The following TASP1 variants were observed in gnomAD, a reference collection of about 807,000 sequenced individuals.
TASP1 encodes the protein taspase 1, also known as threonine aspartase 1.
Under a neutral mutation model 56.6 loss-of-function variants are expected in TASP1, and 16 were observed. That is an observed-to-expected ratio of 0.28 (90% CI 0.19 to 0.43). The LOEUF (loss-of-function observed/expected upper bound fraction) is 0.43. TASP1 is among the 20% of genes least tolerant of loss of function. The pLI is 1.00. For missense variants in TASP1, 393 were observed against 511.6 expected, an observed-to-expected ratio of 0.77 and a Z score of 2.24; for synonymous variants, 179 against 184.2, an observed-to-expected ratio of 0.97 and a Z score of 0.23.
the TASP1 span, among the ~76,000 whole-genome samples, chr20:13,215,172 C>A: frequency 2.0e-5 from 3 of 152,208 alleles, no homozygotes; most frequent in East Asian, 5.8e-4. Flanking sequence ...AACCTGGGCT[C>A]TTGTCCTGAT....
intron 4 of TASP1, among the ~76,000 whole-genome samples, chr20:13,593,285 T>C (rs552961983): frequency 6.6e-6 from 1 of 152,310 alleles, no homozygotes; most frequent in African/African-American, 2.4e-5. Context: ...GCTCCCAACA[T>C]GACCAATGCA....
At chr20:13,316,133 A>T in the TASP1 span, among the ~76,000 whole-genome samples, 2 of 152,078 alleles carry the variant, frequency 1.3e-5, no homozygotes, top group South Asian at 4.1e-4. Context: ...TATCATGGAC[A>T]TTAAAAGGAT....
chr20:13,597,415 G>T (rs1198166537), intron 4 of TASP1, among the ~76,000 whole-genome samples: 3 of 152,112 alleles, frequency 2.0e-5, no homozygotes, highest in Non-Finnish European at 4.4e-5. Flanking sequence ...CACATAAATA[G>T]AACCAACAAC....
At chr20:13,174,699 GA>G in the TASP1 span, among the ~76,000 whole-genome samples, 37,800 of 129,006 alleles carry the variant, frequency 0.29, 4,955 homozygotes, top group South Asian at 0.48. Context: ...ACCTTGTCAC[GA>G]AAAAAAAAAA....
the TASP1 span, among the ~76,000 whole-genome samples, chr20:13,342,281 T>C: frequency 6.6e-6 from 1 of 151,988 alleles, no homozygotes; most frequent in African/African-American, 2.4e-5. Context: ...CCTGGGTGGG[T>C]TGTTTGTTTT....
intron 13 of TASP1, among the ~76,000 whole-genome samples, chr20:13,413,879 A>T (rs531518240): frequency 6.6e-6 from 1 of 152,232 alleles, no homozygotes; most frequent in South Asian, 2.1e-4. Flanking sequence ...TATTTTTCTG[A>T]CCCACTGAGA....
intron 10 of TASP1, among the ~76,000 whole-genome samples, chr20:13,490,276 T>C (rs971047506): frequency 1.2e-4 from 19 of 152,288 alleles, no homozygotes; most frequent in African/African-American, 4.6e-4. Context: ...ATACTTCATA[T>C]TGTCTGAAAA....
chr20:13,301,696 AT>A, the TASP1 span, among the ~76,000 whole-genome samples: 2 of 151,866 alleles, frequency 1.3e-5, no homozygotes, highest in Admixed American at 6.6e-5. Flanking sequence ...TAATGAGGAA[AT>A]TTTTTTTGCA....
the TASP1 span, among the ~76,000 whole-genome samples, chr20:13,145,117 G>A: frequency 2.0e-5 from 3 of 152,086 alleles, no homozygotes; most frequent in African/African-American, 7.2e-5. Flanking sequence ...AAACCCTGAT[G>A]TGTTTCTCTG....
At chr20:13,461,862 C>G (rs554079040) in intron 11 of TASP1, among the ~76,000 whole-genome samples, 11 of 152,176 alleles carry the variant, frequency 7.2e-5, no homozygotes, top group Non-Finnish European at 1.6e-4. Context: ...CAAGGATCAT[C>G]TAGTCCAACC....
At chr20:13,281,588 C>G in the TASP1 span, among the ~76,000 whole-genome samples, 3 of 152,218 alleles carry the variant, frequency 2.0e-5, no homozygotes, top group Non-Finnish European at 4.4e-5. Flanking sequence ...AGATTCACCC[C>G]AGGCAGTCTG....
chr20:13,536,135 T>C (rs1330531219), intron 8 of TASP1, among the ~76,000 whole-genome samples: 1 of 152,212 alleles, frequency 6.6e-6, no homozygotes, highest in Non-Finnish European at 1.5e-5. Context: ...CAAATTTTAA[T>C]GTGCACACAC....
intron 1 of TASP1, among the ~76,000 whole-genome samples, chr20:13,633,432 T>G (rs574515978): frequency 6.6e-6 from 1 of 152,156 alleles, no homozygotes; most frequent in African/African-American, 2.4e-5. Context: ...TATAAAAAAA[T>G]TTTTATTAAT....
At chr20:13,457,475 A>G (rs1211954115) in intron 11 of TASP1, among the ~76,000 whole-genome samples, 3 of 152,138 alleles carry the variant, frequency 2.0e-5, no homozygotes, top group Admixed American at 6.5e-5. Context: ...AAACCACAAA[A>G]CTTTATTGTA....
chr20:13,356,004 G>C, the TASP1 span, among the ~76,000 whole-genome samples: 1 of 152,174 alleles, frequency 6.6e-6, no homozygotes, highest in Admixed American at 6.5e-5. Flanking sequence ...AATGGTGACA[G>C]CTCATTACAG....
chr20:13,360,114 C>T, the TASP1 span, among the ~76,000 whole-genome samples: 1,245 of 152,156 alleles, frequency 8.2e-3, 13 homozygotes, highest in African/African-American at 0.029. Flanking sequence ...AATTGTTTTG[C>T]CTATCCACCC....
intron 10 of TASP1, among the ~76,000 whole-genome samples, chr20:13,519,507 C>A (rs548063076): frequency 1.3e-5 from 2 of 152,196 alleles, no homozygotes; most frequent in East Asian, 1.9e-4. Context: ...ATAAACAGAA[C>A]CAATGACAAA....
intron 6 of TASP1, among the ~76,000 whole-genome samples, chr20:13,576,394 A>AAAGAAAGAAAGAAAGT (rs774830810): frequency 2.6e-4 from 39 of 147,266 alleles, no homozygotes; most frequent in Admixed American, 7.3e-4. Flanking sequence ...AGAAAGAAAG[A>AAAGAAAGAAAGAAAGT]AAGTCAGTCT....
the TASP1 span, among the ~76,000 whole-genome samples, chr20:13,191,404 A>G: frequency 6.6e-6 from 1 of 152,204 alleles, no homozygotes; most frequent in Non-Finnish European, 1.5e-5. Flanking sequence ...AATAGTATTC[A>G]TCTATTAAAA....
Sources: gnomAD v4.1 joint callset for allele counts (sites outside exome capture counted in the v4.1 genomes callset) on GRCh38, gnomAD v4.1.1 for gene constraint, MANE v1.5 for transcripts, NCBI Gene and HGNC (gene_info 2026-07-23, HGNC 2026-07-21) for gene names.